The following GABRA3 variants were observed in gnomAD, a reference collection of about 807,000 sequenced individuals.
GABRA3 encodes the protein gamma-aminobutyric acid type A receptor subunit alpha3.
GABRA3 carries 10 observed loss-of-function variants against 30.1 expected under a neutral mutation model. The ratio of observed to expected loss-of-function variants is 0.33; its 90% CI spans 0.20 to 0.56. The LOEUF is 0.56. Ranked by LOEUF, GABRA3 falls within the 20% of genes least tolerant of loss-of-function variation. The pLI is 0.89. For missense variants in GABRA3, 233 were observed against 392.0 expected (o/e 0.59, Z 3.42); for synonymous variants, 151 against 146.8 (o/e 1.03, Z -0.21).
chrX:152,247,794 C>T (rs1240976369), intron 5 of GABRA3, among the ~76,000 whole-genome samples: 1 of 111,347 alleles, frequency 9.0e-6, no homozygotes, highest in East Asian at 2.8e-4. Flanking sequence ...TACACATGAA[C>T]ATTGCTGTGA....
intron 4 of GABRA3, among the ~76,000 whole-genome samples, chrX:152,258,615 C>A (rs1938676942): frequency 9.0e-6 from 1 of 111,354 alleles, no homozygotes; most frequent in African/African-American, 3.3e-5. Context: ...TAGATCCCAG[C>A]CAGTACATAA....
At chrX:152,425,398 C>T (rs1457118376) in intron 1 of GABRA3, among the ~76,000 whole-genome samples, 2 of 110,809 alleles carry the variant, frequency 1.8e-5, no homozygotes, top group Admixed American at 9.6e-5. Flanking sequence ...GATTTTTACC[C>T]GTCTAGGTAA....
chrX:152,411,586 A>T (rs1449801065), intron 1 of GABRA3, among the ~76,000 whole-genome samples: 1 of 111,888 alleles, frequency 8.9e-6, no homozygotes, highest in Non-Finnish European at 1.9e-5. Context: ...AACTCGTTCA[A>T]ACATCTACCT....
chrX:152,435,296 G>A (rs1006706250), intron 1 of GABRA3, among the ~76,000 whole-genome samples: 3 of 111,197 alleles, frequency 2.7e-5, no homozygotes, highest in African/African-American at 6.5e-5. Context: ...GCATGCACAC[G>A]TTTGTTTATT....
chrX:152,196,646 C>T (rs1937393001), intron 8 of GABRA3, among the ~76,000 whole-genome samples: 1 of 111,305 alleles, frequency 9.0e-6, no homozygotes, highest in Non-Finnish European at 1.9e-5. Context: ...CCAAGTATAT[C>T]ACAATACCCA....
intron 5 of GABRA3, among the ~76,000 whole-genome samples, chrX:152,230,471 C>T (rs948389703): frequency 9.0e-6 from 1 of 110,504 alleles, no homozygotes; most frequent in African/African-American, 3.3e-5. Flanking sequence ...GTGAAAATGG[C>T]AGGTTGATTC....
chrX:152,175,250 ATT>A (rs72105011), intron 9 of GABRA3, among the ~76,000 whole-genome samples: 69 of 102,352 alleles, frequency 6.7e-4, no homozygotes, highest in African/African-American at 2.2e-3. Context: ...ATAGCAATGG[ATT>A]TTTTTTTTTT....
At chrX:152,203,637 C>T (rs1937509375) in intron 7 of GABRA3, among the ~76,000 whole-genome samples, 1 of 111,769 alleles carries the variant, frequency 8.9e-6, no homozygotes, top group African/African-American at 3.3e-5. Context: ...GCCTTCACTT[C>T]TGGTGACTCT....
chrX:152,242,602 G>A (rs1938399720), intron 5 of GABRA3, among the ~76,000 whole-genome samples: 1 of 112,076 alleles, frequency 8.9e-6, no homozygotes. Flanking sequence ...TATAGGCAAA[G>A]GATCTGAATA....
intron 3 of GABRA3, among the ~76,000 whole-genome samples, chrX:152,332,795 A>G (rs764060421): frequency 8.9e-6 from 1 of 112,517 alleles, no homozygotes; most frequent in Non-Finnish European, 1.9e-5. Context: ...TATAATGAGC[A>G]GGACCCAGGC....
At chrX:152,348,513 T>C (rs1243592919) in intron 2 of GABRA3, among the ~76,000 whole-genome samples, 1 of 111,659 alleles carries the variant, frequency 9.0e-6, no homozygotes, top group East Asian at 2.8e-4. Flanking sequence ...AGTTTAGTCA[T>C]TTTCCTAGCC....
rs149716305 is a variant in GABRA3 at position 152,271,175 on chromosome X, C to A, written c.330+13493G>T. Among the ~76,000 whole-genome samples, 34 of 110,539 alleles carry A rather than the reference C, an allele frequency of 3.1e-4. No homozygotes were observed. In the East Asian group the frequency reaches 9.3e-3, roughly 30 times the overall value. ...ACAGGTTTGCACCATGTTGGCCAAG[C>A]TGGTCTAGAACTCCTGACCTCAGGT... On this transcript the variant is annotated intron_variant, in intron 4 of 9. Transcript: ENST00000370314.
intron 5 of GABRA3, among the ~76,000 whole-genome samples, chrX:152,252,994 A>G (rs1466476580): frequency 8.9e-6 from 1 of 112,171 alleles, no homozygotes; most frequent in Non-Finnish European, 1.9e-5. Context: ...TTCAAGGCTC[A>G]GGGAAGTGTA....
chrX:152,220,938 CT>C (rs1937823994), intron 6 of GABRA3, among the ~76,000 whole-genome samples: 1 of 109,756 alleles, frequency 9.1e-6, no homozygotes, highest in South Asian at 4.0e-4. Context: ...AGACTTTGGC[CT>C]TTTTTCTATC....
intron 3 of GABRA3, among the ~76,000 whole-genome samples, chrX:152,297,904 T>C (rs889239847): frequency 8.0e-5 from 9 of 112,043 alleles, no homozygotes; most frequent in African/African-American, 2.6e-4. Flanking sequence ...TGGAGCACCA[T>C]TATAACAAAA....
chrX:152,207,585 T>A (rs899590054), intron 7 of GABRA3, among the ~76,000 whole-genome samples: 1 of 112,230 alleles, frequency 8.9e-6, no homozygotes, highest in African/African-American at 3.2e-5. Flanking sequence ...CTTGACCTTT[T>A]CTGGGATTAG....
chrX:152,235,330 T>C (rs1373438837), intron 5 of GABRA3, among the ~76,000 whole-genome samples: 1 of 111,786 alleles, frequency 8.9e-6, no homozygotes, highest in Non-Finnish European at 1.9e-5. Context: ...AACGACTGAA[T>C]TCATTTATCA....
chrX:152,250,170 A>G (rs924095756), intron 5 of GABRA3, among the ~76,000 whole-genome samples: 1 of 111,381 alleles, frequency 9.0e-6, no homozygotes, highest in African/African-American at 3.3e-5. Context: ...TGATAACCCT[A>G]TATCATTTTA....
intron 3 of GABRA3, among the ~76,000 whole-genome samples, chrX:152,317,717 T>C (rs1895297229): frequency 8.9e-6 from 1 of 111,949 alleles, no homozygotes; most frequent in Non-Finnish European, 1.9e-5. Context: ...TCATCAATAA[T>C]CATTGGGTCA....
Sources: allele counts gnomAD v4.1 joint callset (sites outside exome capture counted in the v4.1 genomes callset), GRCh38; gene constraint gnomAD v4.1.1; transcripts MANE v1.5; gene names NCBI Gene and HGNC (gene_info 2026-07-23, HGNC 2026-07-21).